The following KHDRBS2 variants were observed in gnomAD, a reference collection of about 807,000 sequenced individuals.
KHDRBS2 encodes KH domain-containing, RNA-binding, signal transduction-associated protein 2.
A neutral mutation model predicts 44.3 loss-of-function variants in KHDRBS2; 26 were observed. That is an observed-to-expected ratio of 0.59 (90% CI 0.43 to 0.81). KHDRBS2 has a LOEUF of 0.81. KHDRBS2 is among the 40% of genes least tolerant of loss of function. KHDRBS2 has a pLI of 0.00. For synonymous variants in KHDRBS2, 194 were observed against 151.1 expected (o/e 1.28, Z -2.08); for missense variants, 476 against 433.1 (o/e 1.10, Z -0.88).
At chr6:61,773,339 G>A (rs994547202) in intron 6 of KHDRBS2, among the ~76,000 whole-genome samples, 6 of 151,950 alleles carry the variant, frequency 3.9e-5, no homozygotes, top group Admixed American at 3.3e-4. Flanking sequence ...CATTCTAACT[G>A]GTGTGAGATG....
intron 4 of KHDRBS2, among the ~76,000 whole-genome samples, chr6:61,909,220 C>T (rs1013640042): frequency 2.0e-5 from 3 of 151,878 alleles, no homozygotes; most frequent in African/African-American, 7.3e-5. Context: ...GTGCAGGCCA[C>T]CATGCCCAGC....
At chr6:62,161,486 A>C (rs950222066) in intron 2 of KHDRBS2, among the ~76,000 whole-genome samples, 1 of 148,984 alleles carries the variant, frequency 6.7e-6, no homozygotes, top group African/African-American at 2.5e-5. Flanking sequence ...ATATCATTTA[A>C]AGTATATGTG....
intron 2 of KHDRBS2, among the ~76,000 whole-genome samples, chr6:62,084,396 A>C (rs527238504): frequency 1.3e-5 from 2 of 152,298 alleles, no homozygotes; most frequent in East Asian, 3.9e-4. Context: ...GATAACAGAT[A>C]TTTTCCCCAT....
intron 6 of KHDRBS2, among the ~76,000 whole-genome samples, chr6:61,848,565 A>ATATG (rs1794952059): frequency 2.0e-5 from 1 of 49,506 alleles, no homozygotes; most frequent in African/African-American, 9.6e-5. Context: ...ATATATATGT[A>ATATG]TATATATATA....
At chr6:62,047,679 C>G (rs1788010946) in intron 3 of KHDRBS2, among the ~76,000 whole-genome samples, 199 bp downstream of exon 3, 1 of 151,728 alleles carries the variant, frequency 6.6e-6, no homozygotes, top group Admixed American at 6.6e-5. Flanking sequence ...AATATACTTT[C>G]TGGAAAGAAA....
At chr6:61,889,168 GCTTAT>G (rs1185992834) in intron 6 of KHDRBS2, among the ~76,000 whole-genome samples, 1 of 152,066 alleles carries the variant, frequency 6.6e-6, no homozygotes, top group Non-Finnish European at 1.5e-5. Flanking sequence ...ATTTATGCAT[GCTTAT>G]AAGTGCTTAT....
At chr6:61,837,106 G>A (rs1261290588) in intron 6 of KHDRBS2, among the ~76,000 whole-genome samples, 1 of 151,858 alleles carries the variant, frequency 6.6e-6, no homozygotes, top group Non-Finnish European at 1.5e-5. Flanking sequence ...ACCATTTTGG[G>A]TTTAACCCTA....
At chr6:61,816,001 CA>C (rs756993827) in intron 6 of KHDRBS2, among the ~76,000 whole-genome samples, 11 of 152,000 alleles carry the variant, frequency 7.2e-5, no homozygotes, top group Non-Finnish European at 1.3e-4. Flanking sequence ...TCATAAATAC[CA>C]AAAGTTCCTT....
chr6:62,121,418 G>A (rs1807606022), intron 2 of KHDRBS2, among the ~76,000 whole-genome samples: 1 of 152,152 alleles, frequency 6.6e-6, no homozygotes, highest in South Asian at 2.1e-4. Flanking sequence ...GATAGATCTT[G>A]GATAATGACA....
chr6:61,776,529 A>G (rs1782039063), intron 6 of KHDRBS2, among the ~76,000 whole-genome samples: 1 of 152,262 alleles, frequency 6.6e-6, no homozygotes, highest in Non-Finnish European at 1.5e-5. Flanking sequence ...AAAAGAACAC[A>G]TGAAAAAATG....
the KHDRBS2 span, among the ~76,000 whole-genome samples, chr6:61,628,954 C>G: frequency 6.6e-6 from 1 of 152,090 alleles, no homozygotes; most frequent in African/African-American, 2.4e-5. Context: ...TATTGACTGT[C>G]TAATTAGTAC....
intron 2 of KHDRBS2, among the ~76,000 whole-genome samples, chr6:62,102,768 T>A (rs751789295): frequency 6.6e-6 from 1 of 152,126 alleles, no homozygotes; most frequent in Admixed American, 6.5e-5. Context: ...GGGTCACCAC[T>A]CTTCACTCCT....
intron 2 of KHDRBS2, among the ~76,000 whole-genome samples, chr6:62,063,516 C>A (rs1172327373): frequency 1.3e-5 from 2 of 151,440 alleles, no homozygotes; most frequent in African/African-American, 4.8e-5. Context: ...TAAACAGAGC[C>A]ACAGACAAAA....
intron 1 of KHDRBS2, among the ~76,000 whole-genome samples, chr6:62,240,662 A>ATGTGTG (rs200082850): frequency 1.7e-4 from 15 of 87,976 alleles, no homozygotes; most frequent in Non-Finnish European, 2.8e-4. Context: ...GTGTGTATGT[A>ATGTGTG]TGTGTGTGTG....
At chr6:62,116,106 A>C (rs1349806364) in intron 2 of KHDRBS2, among the ~76,000 whole-genome samples, 1 of 152,084 alleles carries the variant, frequency 6.6e-6, no homozygotes, top group Non-Finnish European at 1.5e-5. Context: ...ATTAATTGTA[A>C]ATTGACAAAT....
At chr6:61,549,606 G>C in the KHDRBS2 span, among the ~76,000 whole-genome samples, 1 of 152,134 alleles carries the variant, frequency 6.6e-6, no homozygotes, top group East Asian at 1.9e-4. Context: ...TATATGTTTT[G>C]GTGGAAGTAT....
At chr6:61,613,295 G>C in the KHDRBS2 span, among the ~76,000 whole-genome samples, 2 of 152,178 alleles carry the variant, frequency 1.3e-5, no homozygotes, top group South Asian at 4.1e-4. Flanking sequence ...GCACTTACTA[G>C]TTGCTCAGTA....
intron 4 of KHDRBS2, among the ~76,000 whole-genome samples, chr6:61,947,902 A>C (rs548336655): frequency 6.7e-4 from 96 of 143,252 alleles, no homozygotes; most frequent in Admixed American, 1.1e-3. Flanking sequence ...CAAAACCCCC[A>C]CACACACACA....
chr6:61,827,040 T>C (rs552015685), intron 6 of KHDRBS2, among the ~76,000 whole-genome samples: 60 of 152,352 alleles, frequency 3.9e-4, no homozygotes, highest in Admixed American at 4.6e-4. Context: ...CATTAGAAAA[T>C]ATATGACAGC....
Sources: allele counts gnomAD v4.1 joint callset (sites outside exome capture counted in the v4.1 genomes callset), GRCh38; gene constraint gnomAD v4.1.1; transcripts MANE v1.5; gene names NCBI Gene and HGNC (gene_info 2026-07-23, HGNC 2026-07-21).